Variants in CNBD1 observed in about 807,000 individuals in gnomAD.
CNBD1 encodes the protein cyclic nucleotide binding domain containing 1, also known as cyclic nucleotide-binding domain-containing protein 1.
In CNBD1, 71 loss-of-function variants were observed where a neutral mutation model predicts 54.4. That is an observed-to-expected ratio of 1.30 (90% CI 1.08 to 1.59). The LOEUF (loss-of-function observed/expected upper bound fraction) is 1.59, where lower values mean the gene tolerates loss of function less well. Ranked by LOEUF, CNBD1 falls within the 40% of genes most tolerant of loss-of-function variation. The pLI, the probability that CNBD1 is intolerant of heterozygous loss-of-function variation, is 0.00. For synonymous variants in CNBD1, 182 were observed against 170.7 expected, an observed-to-expected ratio of 1.07 and a Z score of -0.51; for missense variants, 659 against 518.0, an observed-to-expected ratio of 1.27 and a Z score of -2.64.
intron 6 of CNBD1, among the ~76,000 whole-genome samples, chr8:87,278,835 A>G (rs1808534808): frequency 6.6e-6 from 1 of 151,476 alleles, no homozygotes; most frequent in Admixed American, 6.6e-5. Flanking sequence ...AATAAAATAC[A>G]TCAGAAGAAG....
intron 10 of CNBD1, among the ~76,000 whole-genome samples, chr8:87,371,563 A>G (rs189102001): frequency 0.01 from 1,580 of 152,110 alleles, 26 homozygotes; most frequent in African/African-American, 0.036. Context: ...AATATCCTTG[A>G]TTAACATTGA....
At chr8:86,924,392 C>A (rs1809324715) in intron 3 of CNBD1, among the ~76,000 whole-genome samples, 1 of 152,018 alleles carries the variant, frequency 6.6e-6, no homozygotes, top group African/African-American at 2.4e-5. Flanking sequence ...TGAGAGTCAT[C>A]AAGATGAGGG....
At position 87,331,638 on chromosome 8, in the gene CNBD1, A is replaced by G. The variant is rs149323520; in HGVS notation, c.1043-20047A>G. Among the ~76,000 whole-genome samples the G allele has an allele frequency of 5.2e-3, 791 of 152,292 alleles. 24 individuals carry two copies. The highest frequency in any genetic ancestry group is 0.019 in the East Asian group (97 of 5,172). On this transcript the variant is annotated intron_variant, in intron 8 of 10. Coordinates refer to ENST00000518476, the MANE Select transcript of CNBD1 (RefSeq NM_173538.3). Reference sequence around the variant, plus strand: ...TTCTAGATCCTTAAATTATCACCACACTGTCTTCCACAATGGTTGAATTAA... The same window carrying G: ...TTCTAGATCCTTAAATTATCACCACGCTGTCTTCCACAATGGTTGAATTAA...
intron 2 of CNBD1, among the ~76,000 whole-genome samples, chr8:87,424,445 G>A (rs1248356312): frequency 1.3e-5 from 2 of 152,116 alleles, no homozygotes; most frequent in Non-Finnish European, 2.9e-5. Flanking sequence ...ACACTGCTTT[G>A]AATGCGTCCC....
At chr8:87,278,134 G>A (rs1230494331) in intron 6 of CNBD1, among the ~76,000 whole-genome samples, 1 of 151,424 alleles carries the variant, frequency 6.6e-6, no homozygotes, top group Non-Finnish European at 1.5e-5. Context: ...CATGTCATAA[G>A]TAAATATGAA....
At chr8:87,243,485 G>T (rs17703747) in intron 6 of CNBD1, among the ~76,000 whole-genome samples, 1 of 152,010 alleles carries the variant, frequency 6.6e-6, no homozygotes, top group Non-Finnish European at 1.5e-5. Context: ...TTCTGAGTAC[G>T]CCATTCCCTG....
At chr8:86,906,978 ATAAAATTAGCT>A (rs1299215050) in intron 3 of CNBD1, among the ~76,000 whole-genome samples, 1 of 152,260 alleles carries the variant, frequency 6.6e-6, no homozygotes, top group Admixed American at 6.5e-5. Flanking sequence ...TGAAAAGCCA[ATAAAATTAGCT>A]TAAGAATCAA....
intron 2 of CNBD1, among the ~76,000 whole-genome samples, chr8:87,426,133 C>T (rs940407196): frequency 5.9e-5 from 9 of 152,238 alleles, no homozygotes; most frequent in African/African-American, 1.4e-4. Context: ...ACTCCCTGAG[C>T]CCTTGTGCTT....
chr8:87,024,321 TTTTA>T (rs1809577123), intron 4 of CNBD1, among the ~76,000 whole-genome samples: 1 of 151,372 alleles, frequency 6.6e-6, no homozygotes, highest in Admixed American at 6.6e-5. Context: ...ATTTATTTTA[TTTTA>T]TTTATTTTTA....
intron 4 of CNBD1, among the ~76,000 whole-genome samples, chr8:86,984,754 G>A (rs1586180047): frequency 1.3e-5 from 2 of 152,234 alleles, no homozygotes; most frequent in Admixed American, 6.5e-5. Context: ...TTTACCCAAG[G>A]CCCATACCCC....
At chr8:87,204,686 G>T (rs16897481) in intron 4 of CNBD1, among the ~76,000 whole-genome samples, 10,405 of 152,072 alleles carry the variant, frequency 0.068, 416 homozygotes, top group African/African-American at 0.1. Context: ...CCTTACAAAT[G>T]ATTGCAGGCA....
chr8:87,136,606 T>C (rs113151601), intron 4 of CNBD1, among the ~76,000 whole-genome samples: 1 of 48,196 alleles, frequency 2.1e-5, no homozygotes, highest in East Asian at 5.0e-4. Flanking sequence ...TATATTTATA[T>C]TATATATAAA....
At chr8:86,901,147 A>G (rs1222427948) in intron 2 of CNBD1, among the ~76,000 whole-genome samples, 1 of 152,172 alleles carries the variant, frequency 6.6e-6, no homozygotes, top group Non-Finnish European at 1.5e-5. Context: ...ACTCATTGTA[A>G]TAAAAGGATG....
intron 1 of CNBD1, among the ~76,000 whole-genome samples, chr8:86,868,259 C>T (rs1283934837): frequency 6.6e-6 from 1 of 152,132 alleles, no homozygotes; most frequent in African/African-American, 2.4e-5. Flanking sequence ...TTGTATACAT[C>T]CTTGATACTT....
intron 10 of CNBD1, among the ~76,000 whole-genome samples, chr8:87,354,728 A>G (rs1260130938): frequency 6.6e-6 from 1 of 152,096 alleles, no homozygotes; most frequent in East Asian, 1.9e-4. Flanking sequence ...CCTACAAAGG[A>G]CATGAACTCA....
chr8:86,878,337 T>C (rs1808555923), intron 1 of CNBD1, among the ~76,000 whole-genome samples: 1 of 152,072 alleles, frequency 6.6e-6, no homozygotes, highest in Non-Finnish European at 1.5e-5. Context: ...TGGTGGAGAG[T>C]GCACTAGTTC....
At chr8:87,409,826 C>A (rs1807709932) in intron 2 of CNBD1, among the ~76,000 whole-genome samples, 1 of 151,904 alleles carries the variant, frequency 6.6e-6, no homozygotes, top group Non-Finnish European at 1.5e-5. Context: ...AATTCCAGAC[C>A]AGCCTGTGCA....
At chr8:87,107,658 G>C (rs191210563) in intron 4 of CNBD1, among the ~76,000 whole-genome samples, 1 of 152,154 alleles carries the variant, frequency 6.6e-6, no homozygotes, top group Non-Finnish European at 1.5e-5. Flanking sequence ...TTTAGTGCCT[G>C]GTGAATATAC....
chr8:87,427,294 A>C (rs570595794), intron 2 of CNBD1, among the ~76,000 whole-genome samples: 1 of 152,234 alleles, frequency 6.6e-6, no homozygotes, highest in African/African-American at 2.4e-5. Flanking sequence ...TTGGGGTATA[A>C]AATTGTTTCA....
Sources: allele counts gnomAD v4.1 joint callset (sites outside exome capture counted in the v4.1 genomes callset), GRCh38; gene constraint gnomAD v4.1.1; transcripts MANE v1.5; gene names NCBI Gene and HGNC (gene_info 2026-07-23, HGNC 2026-07-21).